Variants in PRRG1 observed in about 807,000 individuals in gnomAD.
PRRG1 encodes the protein transmembrane gamma-carboxyglutamic acid protein 1.
PRRG1 carries 5 observed loss-of-function variants against 11.8 expected under a neutral mutation model. The ratio of observed to expected loss-of-function variants is 0.42; its 90% confidence interval spans 0.22 to 0.89. The LOEUF (loss-of-function observed/expected upper bound fraction) is 0.89, where lower values mean the gene tolerates loss of function less well. Ranked by LOEUF, PRRG1 falls within the 40% of genes least tolerant of loss-of-function variation. PRRG1 has a pLI of 0.28. For synonymous variants in PRRG1, 66 were observed against 60.4 expected, an observed-to-expected ratio of 1.09 and a Z score of -0.43; for missense variants, 155 against 166.1, an observed-to-expected ratio of 0.93 and a Z score of 0.37.
At chrX:37,370,037 C>T (rs1930716469) in intron 1 of PRRG1, among the ~76,000 whole-genome samples, 1 of 111,058 alleles carries the variant, frequency 9.0e-6, no homozygotes, top group Non-Finnish European at 1.9e-5. Flanking sequence ...ACCACTTACT[C>T]TCTGCTTCTA....
chrX:37,391,460 T>C (rs1931529789), intron 1 of PRRG1, among the ~76,000 whole-genome samples: 1 of 111,808 alleles, frequency 8.9e-6, no homozygotes. Flanking sequence ...AAACTTGGGT[T>C]GAATTAGGTA....
At chrX:37,377,190 C>G (rs1930998587) in intron 1 of PRRG1, among the ~76,000 whole-genome samples, 1 of 111,843 alleles carries the variant, frequency 8.9e-6, no homozygotes, top group African/African-American at 3.2e-5. Flanking sequence ...CCATGATATA[C>G]TTTGTTAGAT....
intron 3 of PRRG1, among the ~76,000 whole-genome samples, chrX:37,449,387 T>C (rs1921032596): frequency 8.9e-6 from 1 of 112,432 alleles, no homozygotes; most frequent in East Asian, 2.8e-4. Context: ...TCTACTGTCT[T>C]TGCAATTATG....
At chrX:37,391,904 T>G (rs1931550089) in intron 1 of PRRG1, among the ~76,000 whole-genome samples, 1 of 111,779 alleles carries the variant, frequency 8.9e-6, no homozygotes, top group Non-Finnish European at 1.9e-5. Flanking sequence ...TTAGTATCTC[T>G]CACTTGAAAG....
intron 3 of PRRG1, among the ~76,000 whole-genome samples, chrX:37,434,488 A>C (rs191907998): frequency 1.2e-4 from 13 of 112,095 alleles, no homozygotes; most frequent in African/African-American, 4.2e-4. Flanking sequence ...TTTATTTGTC[A>C]GTTATACCTC....
chrX:37,373,998 T>C (rs1279848765), intron 1 of PRRG1, among the ~76,000 whole-genome samples: 1 of 111,965 alleles, frequency 8.9e-6, no homozygotes, highest in East Asian at 2.8e-4. Flanking sequence ...TTGAATTTTA[T>C]CAAATGCTTT....
At chrX:37,359,149 A>G (rs782524094) in intron 1 of PRRG1, among the ~76,000 whole-genome samples, 142 of 111,452 alleles carry the variant, frequency 1.3e-3, no homozygotes, top group Non-Finnish European at 1.8e-3. Context: ...ATCACATAAG[A>G]TGGGATTTTC....
chrX:37,391,161 G>A (rs1449630082), intron 1 of PRRG1, among the ~76,000 whole-genome samples: 1 of 112,070 alleles, frequency 8.9e-6, no homozygotes, highest in Non-Finnish European at 1.9e-5. Flanking sequence ...AGCCTGGGAG[G>A]TGGGTTTGGA....
chrX:37,353,834 G>A (rs782709974), intron 1 of PRRG1, among the ~76,000 whole-genome samples: 43 of 112,430 alleles, frequency 3.8e-4, no homozygotes, highest in Non-Finnish European at 6.8e-4. Context: ...ACACAACAAC[G>A]AAATCGCCTA....
chrX:37,373,854 G>T (rs1302800346), intron 1 of PRRG1, among the ~76,000 whole-genome samples: 4 of 111,341 alleles, frequency 3.6e-5, no homozygotes, highest in Non-Finnish European at 7.6e-5. Context: ...CTTTGTTCCT[G>T]ATCTTAGAGG....
intron 1 of PRRG1, among the ~76,000 whole-genome samples, chrX:37,354,857 TATC>T (rs1930188926): frequency 9.0e-6 from 1 of 111,300 alleles, no homozygotes; most frequent in Non-Finnish European, 1.9e-5. Flanking sequence ...GGTATTATAT[TATC>T]ATTATTGTGA....
chrX:37,360,540 TA>T (rs1303216154), intron 1 of PRRG1, among the ~76,000 whole-genome samples: 1 of 112,584 alleles, frequency 8.9e-6, no homozygotes, highest in African/African-American at 3.2e-5. Context: ...TCTATTCTTT[TA>T]CATTTGTTAA....
At chrX:37,364,603 C>T (rs1930512774) in intron 1 of PRRG1, among the ~76,000 whole-genome samples, 1 of 111,499 alleles carries the variant, frequency 9.0e-6, no homozygotes, top group Non-Finnish European at 1.9e-5. Context: ...ATTTTTTCCC[C>T]ATTCTCCATT....
rs150604564 is a variant in PRRG1, at chrX:37,431,211, T to G, written c.171+5211T>G. The stretch of plus-strand genomic sequence containing the variant: ...TTACAAATAAAGCTGTTATGAACAT[T>G]GCATAGGTTTTTGTATTGACATAAA... On this transcript the variant is annotated intron_variant, in intron 3 of 3. Transcript: ENST00000378628. Among the ~76,000 whole-genome samples, 176 of 112,423 alleles carry G rather than the reference T, an allele frequency of 1.6e-3. 1 individual carries two copies. Among genetic ancestry groups the G allele is most frequent in the African/African-American group, 5.5e-3 (171 of 30,973 alleles).
intron 1 of PRRG1, among the ~76,000 whole-genome samples, chrX:37,354,589 T>G (rs1277088646): frequency 9.2e-6 from 1 of 108,796 alleles, no homozygotes; most frequent in Non-Finnish European, 1.9e-5. Context: ...GAGACGGGTT[T>G]TCACCGTGTT....
intron 1 of PRRG1, among the ~76,000 whole-genome samples, chrX:37,390,289 A>G (rs1931479772): frequency 8.9e-6 from 1 of 111,755 alleles, no homozygotes; most frequent in Non-Finnish European, 1.9e-5. Context: ...AATTTCCAAC[A>G]TATGAATTTT....
intron 1 of PRRG1, among the ~76,000 whole-genome samples, chrX:37,356,163 T>C (rs903349048): frequency 8.9e-6 from 1 of 111,959 alleles, no homozygotes; most frequent in Non-Finnish European, 1.9e-5. Context: ...AATATATATA[T>C]AATTTTCTAT....
At chrX:37,378,780 G>A (rs1403688446) in intron 1 of PRRG1, among the ~76,000 whole-genome samples, 11 of 111,001 alleles carry the variant, frequency 9.9e-5, no homozygotes, top group African/African-American at 3.6e-4. Context: ...TAGTTTGAAA[G>A]GCTTGGAGAA....
chrX:37,374,552 G>T (rs781986494), intron 1 of PRRG1, among the ~76,000 whole-genome samples: 1 of 110,747 alleles, frequency 9.0e-6, no homozygotes, highest in Non-Finnish European at 1.9e-5. Context: ...ATGACTGTTC[G>T]ATATCATCTA....
Sources: gnomAD v4.1 joint callset for allele counts (sites outside exome capture counted in the v4.1 genomes callset) on GRCh38, gnomAD v4.1.1 for gene constraint, MANE v1.5 for transcripts, NCBI Gene and HGNC (gene_info 2026-07-23, HGNC 2026-07-21) for gene names.